LONP2: variants seen among roughly 807,000 people sequenced by gnomAD.
LONP2 encodes the protein lon protease homolog 2, peroxisomal.
Under a neutral mutation model 85.6 loss-of-function variants are expected in LONP2, and 60 were observed. The ratio of observed to expected loss-of-function variants is 0.70; its 90% CI spans 0.57 to 0.87. LONP2 has a LOEUF of 0.87. Among genes scored for constraint, LONP2 ranks in the 40% least tolerant of loss-of-function variants. The pLI, the probability that LONP2 is intolerant of heterozygous loss-of-function variation, is 0.00. For missense variants in LONP2, 860 were observed against 1,063.5 expected (o/e 0.81, Z 2.66); for synonymous variants, 395 against 389.7 (o/e 1.01, Z -0.16).
At chr16:48,361,810 C>T (rs1318117814), downstream of LONP2, 1 of 1,614,124 alleles carries the variant, frequency 6.2e-7, no homozygotes, top group Non-Finnish European at 8.5e-7. Flanking sequence ...TGTACGATTG[C>T]GAAGAACTGC....
rs1453012378 is a variant in LONP2 at position 48,244,422 on chromosome 16, C to T, written c.34C>T (p.Arg12Cys). The change falls in exon 1 of 15, where the codon CGC becomes TGC. Residue 12 changes from arginine (R) to cysteine (C), a missense_variant. By Grantham distance (180) the Arg-to-Cys change is radical (BLOSUM62 -3). Around this residue, in one of 3 missense-constraint regions of LONP2, gnomAD observed 743 missense variants for 917.3 expected, o/e 0.81. Coordinates refer to ENST00000285737, the MANE Select transcript of LONP2 (RefSeq NM_031490.5). ...SSVSPIQIPS[R>C]LPLLLTHEGV... ...AGTGAGCCCCATCCAGATCCCCAGT[C>T]GCCTCCCGCTGCTGCTCACCCACGA... 2 of 1,582,594 alleles carry T rather than the reference C, an allele frequency of 1.3e-6. No individual in the cohort carries two copies. The highest frequency in any genetic ancestry group is 2.4e-5 in the East Asian group (1 of 42,096).
In LONP2 at chr16:48,303,227, C is replaced by T. The variant is rs201530802; in HGVS notation, c.1717C>T (p.Arg573Ter). 409 of 1,613,894 alleles carry T rather than the reference C, an allele frequency of 2.5e-4. No homozygotes were observed. Among genetic ancestry groups the T allele is most frequent in the Non-Finnish European group, 3.3e-4 (390 of 1,180,026 alleles). ...GGATAGAAAACTTGGGGCCATTTGC[C>T]GAGCTGTGGCCGTGAAGGTGGCAGA... ...SLDRKLGAIC[R>*]AVAVKVAEGQ... is the part of the protein sequence containing the mutation. The change falls in exon 11 of 15, where the codon CGA (arginine) becomes TGA (stop). Residue 573 changes from arginine to a stop codon, truncating the protein, a stop_gained. Transcript: ENST00000285737. LOFTEE classifies it high-confidence loss of function.
intron 8 of LONP2, among the ~76,000 whole-genome samples, chr16:48,293,829 G>A (rs767454247): frequency 1.3e-5 from 2 of 152,180 alleles, no homozygotes; most frequent in Non-Finnish European, 2.9e-5. Context: ...AGGACTCAGA[G>A]GAGCCTGACT....
At chr16:48,317,188 C>T (rs1359575798) in intron 11 of LONP2, among the ~76,000 whole-genome samples, 2 of 152,210 alleles carry the variant, frequency 1.3e-5, no homozygotes, top group Non-Finnish European at 2.9e-5. Context: ...CTTCTCCTTT[C>T]TCCTGGGTTT....
chr16:48,294,238 G>T (rs939533696), intron 8 of LONP2, among the ~76,000 whole-genome samples: 6 of 152,128 alleles, frequency 3.9e-5, no homozygotes, highest in African/African-American at 1.4e-4. Context: ...ACCGTGCCCG[G>T]CCTGTGAACA....
intron 4 of LONP2, among the ~76,000 whole-genome samples, chr16:48,260,352 T>C: frequency 6.6e-6 from 1 of 152,214 alleles, no homozygotes. Context: ...ATCCCAGCAC[T>C]TTGGGAGGCC....
chr16:48,261,197 A>G (rs1404688097), intron 4 of LONP2, among the ~76,000 whole-genome samples: 4 of 152,202 alleles, frequency 2.6e-5, no homozygotes, highest in Non-Finnish European at 5.9e-5. Context: ...TATTGTAAGC[A>G]TATACCAAAG....
chr16:48,287,741 C>T (rs948050152), intron 8 of LONP2, among the ~76,000 whole-genome samples: 5 of 152,164 alleles, frequency 3.3e-5, no homozygotes, highest in South Asian at 2.1e-4. Flanking sequence ...TCACAAAGCT[C>T]GTTCTGTTTA....
chr16:48,268,882 T>G (rs1224322755), intron 6 of LONP2, among the ~76,000 whole-genome samples: 1 of 152,190 alleles, frequency 6.6e-6, no homozygotes, highest in Non-Finnish European at 1.5e-5. Context: ...TTATGAAATA[T>G]CCTTAGCAAA....
intron 1 of LONP2, among the ~76,000 whole-genome samples, chr16:48,250,103 A>T (rs1394566921): frequency 6.6e-6 from 1 of 151,392 alleles, no homozygotes; most frequent in Non-Finnish European, 1.5e-5. Flanking sequence ...GAGGCACGAG[A>T]ATCCCTTGAA....
chr16:48,304,280 A>G (rs1046523515), intron 11 of LONP2, among the ~76,000 whole-genome samples: 3 of 152,242 alleles, frequency 2.0e-5, no homozygotes, highest in Admixed American at 1.3e-4. Context: ...CATGTGTAAT[A>G]ATTTTTCACA....
At chr16:48,263,513 A>G (rs1971921039) in intron 6 of LONP2, among the ~76,000 whole-genome samples, 1 of 152,222 alleles carries the variant, frequency 6.6e-6, no homozygotes, top group Non-Finnish European at 1.5e-5. Flanking sequence ...AGGTCCATCC[A>G]TGTTGTCACA....
At chr16:48,335,724 C>G (rs1012562865) in intron 12 of LONP2, among the ~76,000 whole-genome samples, 1 of 152,144 alleles carries the variant, frequency 6.6e-6, no homozygotes, top group Non-Finnish European at 1.5e-5. Context: ...AAATAGCCCC[C>G]AAGCCTGTCT....
intron 8 of LONP2, among the ~76,000 whole-genome samples, chr16:48,293,054 A>G (rs1972588569): frequency 6.6e-6 from 1 of 152,206 alleles, no homozygotes; most frequent in African/African-American, 2.4e-5. Context: ...AGAGAAAAAA[A>G]TTACTTGTTC....
rs752665858 is a variant in LONP2, at chr16:48,252,153, G to T, written c.256G>T (p.Val86Phe). The change falls in exon 2 of 15, where the codon GTT becomes TTT. Residue 86 changes from valine (V) to phenylalanine (F), a missense_variant. By Grantham distance (50) the Val-to-Phe change is conservative. Transcript: ENST00000285737. ...CAGGATTGGCACAGCTGCACTGGCC[G>T]TTCAGGTTGTGGGCAGTAACTGGCC... ...LHRIGTAALA[V>F]QVVGSNWPKP... 25 of 1,597,406 alleles carry T rather than the reference G, an allele frequency of 1.6e-5. No individual in the cohort carries two copies. The highest frequency in any genetic ancestry group is 2.1e-5 in the Non-Finnish European group (25 of 1,168,962).
chr16:48,284,829 T>C (rs1451566836), intron 8 of LONP2, among the ~76,000 whole-genome samples: 1 of 152,192 alleles, frequency 6.6e-6, no homozygotes, highest in Non-Finnish European at 1.5e-5. Context: ...TAGGCAAATT[T>C]GCAAATATGG....
Position 48,353,642 on chromosome 16 carries a change from T to A in LONP2, c.*1840T>A, listed in dbSNP as rs1382033104. The A allele has an allele frequency of 1.3e-5, 2 of 152,150 alleles. No individual in the cohort carries two copies. Among genetic ancestry groups the A allele is most frequent in the African/African-American group, 4.8e-5 (2 of 41,420 alleles). 9.4% of individuals were successfully genotyped at this position (152,150 alleles called of 1,614,324 possible). A position where few individuals can be genotyped will look rare whatever the true frequency, so the allele number is the denominator to read the frequency against. On this transcript the variant is annotated 3_prime_UTR_variant, in exon 15 of 15. Transcript: ENST00000285737. ...GTTGGAGAGAAAGAACATCGGGATG[T>A]TTGAAAATATGCCATTGACTATCTT...
downstream of LONP2, among the ~76,000 whole-genome samples, chr16:48,358,835 A>G (rs1960469223): frequency 6.6e-6 from 1 of 152,200 alleles, no homozygotes; most frequent in Admixed American, 6.5e-5. Context: ...CATAAAAAAA[A>G]CTGGAAAAAT....
intron 4 of LONP2, among the ~76,000 whole-genome samples, chr16:48,260,940 A>C (rs1971862082): frequency 6.6e-6 from 1 of 152,236 alleles, no homozygotes; most frequent in South Asian, 2.1e-4. Context: ...AGGTAAGAAA[A>C]AAATATTTTG....
Sources: allele counts gnomAD v4.1 joint callset (sites outside exome capture counted in the v4.1 genomes callset), GRCh38; gene constraint gnomAD v4.1.1; regional missense constraint gnomAD v4.1.1; transcripts MANE v1.5; gene names NCBI Gene and HGNC (gene_info 2026-07-23, HGNC 2026-07-21).